The following DAB1 variants were observed in gnomAD, a reference collection of about 807,000 sequenced individuals.
DAB1 encodes DAB adaptor protein 1.
DAB1 carries 15 observed loss-of-function variants against 64.6 expected under a neutral mutation model. The observed-to-expected ratio is 0.23, with a 90% CI of 0.16 to 0.36. The LOEUF (loss-of-function observed/expected upper bound fraction) is 0.36. DAB1 is among the 10% of genes least tolerant of loss of function. The pLI is 1.00. For synonymous variants in DAB1, 235 were observed against 251.9 expected, an observed-to-expected ratio of 0.93 and a Z score of 0.64; for missense variants, 596 against 706.7, an observed-to-expected ratio of 0.84 and a Z score of 1.78.
intron 3 of DAB1, among the ~76,000 whole-genome samples, chr1:58,413,058 C>T (rs1056224099): frequency 6.6e-6 from 1 of 152,132 alleles, no homozygotes; most frequent in Non-Finnish European, 1.5e-5. Flanking sequence ...GGCAAGCTGG[C>T]GATCGTCCCT....
In DAB1 at chr1:57,515,118, AAAAAG is replaced by A. The variant is rs147543726; in HGVS notation, n.625+134469_625+134473del. Reference sequence around the variant, plus strand: ...AATTATTCTGTCAAAGAAAGAAAGAAAAAAGAAAAGAAAAGAAAAGAAAAGAAAGG... The same window carrying A: ...AATTATTCTGTCAAAGAAAGAAAGAAAAAAGAAAAGAAAAGAAAAGAAAGG... On this transcript the variant is annotated intron_variant and non_coding_transcript_variant, in intron 7 of 20. Transcript: ENST00000485760. 1.7e-3 allele frequency among the ~76,000 whole-genome samples: 260 copies of A among 151,780 alleles called. 2 individuals carry two copies. The highest frequency in any genetic ancestry group is 0.013 in the South Asian group (61 of 4,820).
At chr1:57,296,420 T>C (rs553338307) in intron 1 of DAB1, among the ~76,000 whole-genome samples, 2 of 152,274 alleles carry the variant, frequency 1.3e-5, no homozygotes, top group African/African-American at 4.8e-5. Context: ...TAGATTTTGG[T>C]TTCTGTTATC....
intron 5 of DAB1, among the ~76,000 whole-genome samples, chr1:57,889,472 T>C (rs1644274179): frequency 6.6e-6 from 1 of 152,246 alleles, no homozygotes; most frequent in Non-Finnish European, 1.5e-5. Flanking sequence ...ATTCTTTCCA[T>C]ACCTGACACT....
intron 4 of DAB1, among the ~76,000 whole-genome samples, chr1:58,314,593 T>G (rs149925363): frequency 3.9e-5 from 6 of 152,288 alleles, no homozygotes; most frequent in African/African-American, 1.4e-4. Flanking sequence ...TGGATCTTCA[T>G]AATAATTGTA....
intron 5 of DAB1, among the ~76,000 whole-genome samples, chr1:57,956,822 C>T (rs186174599): frequency 1.3e-5 from 2 of 152,290 alleles, no homozygotes; most frequent in African/African-American, 2.4e-5. Flanking sequence ...AGTTGAGCAA[C>T]ATGTGGTCTA....
chr1:57,340,721 T>C (rs77998940), intron 1 of DAB1, among the ~76,000 whole-genome samples: 261 of 152,326 alleles, frequency 1.7e-3, no homozygotes, highest in Middle Eastern at 0.01. Context: ...TGTCATTTAT[T>C]GCTCACCACC....
At chr1:57,649,566 A>C (rs1361739625) in intron 7 of DAB1, 1 of 152,208 alleles carries the variant, frequency 6.6e-6, no homozygotes, top group African/African-American at 2.4e-5. Context: ...TGTACCAACG[A>C]TACCCAGCCA....
At chr1:58,266,298 G>A (rs1353033703) in intron 4 of DAB1, among the ~76,000 whole-genome samples, 1 of 152,134 alleles carries the variant, frequency 6.6e-6, no homozygotes, top group African/African-American at 2.4e-5. Flanking sequence ...CTTTTCAGTG[G>A]GGGAAGAGGG....
chr1:58,053,777 C>A (rs901218456), intron 5 of DAB1, among the ~76,000 whole-genome samples: 5 of 152,190 alleles, frequency 3.3e-5, no homozygotes, highest in Non-Finnish European at 7.3e-5. Context: ...TGGCAGAGAA[C>A]CCCAATCTGT....
intron 4 of DAB1, among the ~76,000 whole-genome samples, chr1:57,123,086 T>C (rs181807402): frequency 2.0e-4 from 30 of 152,272 alleles, no homozygotes; most frequent in Non-Finnish European, 4.0e-4. Flanking sequence ...TCAGAAATCT[T>C]AAATTATAGT....
chr1:58,058,216 T>C (rs1307289221), intron 5 of DAB1, among the ~76,000 whole-genome samples: 1 of 152,160 alleles, frequency 6.6e-6, no homozygotes, highest in African/African-American at 2.4e-5. Context: ...AGTACCATTC[T>C]AAGTTATTTA....
At chr1:58,001,409 A>G (rs572969914) in intron 5 of DAB1, among the ~76,000 whole-genome samples, 4 of 152,176 alleles carry the variant, frequency 2.6e-5, no homozygotes, top group African/African-American at 4.8e-5. Flanking sequence ...GATTACAGGC[A>G]TGTTCCACCA....
intron 5 of DAB1, among the ~76,000 whole-genome samples, chr1:58,041,611 C>A (rs147342834): frequency 3.0e-3 from 451 of 152,318 alleles, no homozygotes; most frequent in African/African-American, 0.01. Flanking sequence ...CAAGAGTACA[C>A]AGTGGAGATT....
At chr1:57,190,665 A>G (rs1664048159) in intron 2 of DAB1, among the ~76,000 whole-genome samples, 3 of 152,246 alleles carry the variant, frequency 2.0e-5, no homozygotes, top group South Asian at 2.1e-4. Flanking sequence ...TTTATTGCCC[A>G]CATCAAATGC....
chr1:57,861,654 T>C (rs1317315945), intron 1 of DAB1, among the ~76,000 whole-genome samples: 1 of 151,892 alleles, frequency 6.6e-6, no homozygotes, highest in Non-Finnish European at 1.5e-5. Context: ...ATAGAACTAA[T>C]ATTTACCTCT....
intron 4 of DAB1, chr1:58,228,997 C>A (rs957704727): frequency 9.3e-6 from 4 of 429,544 alleles, no homozygotes; most frequent in Admixed American, 8.4e-5. Flanking sequence ...AAGCCCCTGT[C>A]CCACCTGGGG....
intron 7 of DAB1, among the ~76,000 whole-genome samples, chr1:57,539,913 C>T (rs1644780797): frequency 1.3e-5 from 2 of 152,198 alleles, no homozygotes; most frequent in South Asian, 4.2e-4. Flanking sequence ...CAGATGAGGG[C>T]CAGGCCTAAT....
At chr1:58,260,904 GA>G (rs1661033435) in intron 4 of DAB1, among the ~76,000 whole-genome samples, 7 of 152,102 alleles carry the variant, frequency 4.6e-5, no homozygotes, top group Admixed American at 1.3e-4. Flanking sequence ...CTGGCTTCCC[GA>G]GAGTCCATAA....
intron 5 of DAB1, among the ~76,000 whole-genome samples, chr1:57,946,417 C>CA (rs2100219339): frequency 6.6e-6 from 1 of 152,292 alleles, no homozygotes; most frequent in African/African-American, 2.4e-5. Context: ...ACAAATTGCA[C>CA]AAAAATATAA....
Sources: gnomAD v4.1 joint callset for allele counts (sites outside exome capture counted in the v4.1 genomes callset) on GRCh38, gnomAD v4.1.1 for gene constraint, MANE v1.5 for transcripts, NCBI Gene and HGNC (gene_info 2026-07-23, HGNC 2026-07-21) for gene names.